Variants in SPATA13 observed in about 807,000 individuals in gnomAD.
SPATA13 encodes the protein spermatogenesis-associated protein 13.
Under a neutral mutation model 104.0 loss-of-function variants are expected in SPATA13, and 50 were observed. That is an observed-to-expected ratio of 0.48 (90% CI 0.38 to 0.61). SPATA13 has a LOEUF of 0.61. SPATA13 is among the 20% of genes least tolerant of loss of function. The pLI is 0.00. For missense variants in SPATA13, 1,524 were observed against 1,690.6 expected (o/e 0.90, Z 1.73); for synonymous variants, 606 against 667.5 (o/e 0.91, Z 1.42).
intron 1 of SPATA13, among the ~76,000 whole-genome samples, chr13:24,178,490 C>T (rs1868582912): frequency 6.6e-6 from 1 of 152,024 alleles, no homozygotes; most frequent in Non-Finnish European, 1.5e-5. Flanking sequence ...GGCCTTTTGG[C>T]TATGATCAAG....
intron 4 of SPATA13, among the ~76,000 whole-genome samples, chr13:24,257,321 C>T (rs2248602): frequency 0.09 from 13,689 of 152,148 alleles, 770 homozygotes; most frequent in African/African-American, 0.16. Context: ...AATGCACACC[C>T]GTGCACCAAA....
intron 1 of SPATA13, among the ~76,000 whole-genome samples, chr13:24,173,514 T>C (rs1181041249): frequency 1.3e-5 from 2 of 148,832 alleles, no homozygotes; most frequent in Non-Finnish European, 1.5e-5. Context: ...CCCCCAACTT[T>C]TTTTTTTTTT....
intron 2 of SPATA13, among the ~76,000 whole-genome samples, chr13:24,246,956 A>T (rs1252860508): frequency 6.6e-6 from 1 of 152,166 alleles, no homozygotes; most frequent in African/African-American, 2.4e-5. Flanking sequence ...AAAACAAGTG[A>T]CTTTTAGGAA....
At position 24,270,992 on chromosome 13, in the gene SPATA13, C is replaced by CCTCT. The variant is rs137979505; in HGVS notation, c.2165-13129_2165-13126dup. On this transcript the variant is annotated intron_variant, in intron 4 of 12. Transcript: ENST00000382108. ...TTCCTTCCCAAGTTGCAGTTCTTCC[C>CCTCT]CTCTCTCTCTCTCTCTCCACTCTCT... 5.0e-3 allele frequency: 4,288 copies of CCTCT among 851,640 alleles called. 108 individuals are homozygous for CCTCT. In the African/African-American group the frequency reaches 0.065, roughly 13 times the overall value. 52.8% of individuals were successfully genotyped at this position (851,640 alleles called of 1,614,324 possible).
At chr13:24,089,921 C>T (rs115832425) in intron 3 of SPATA13, among the ~76,000 whole-genome samples, 1,632 of 152,306 alleles carry the variant, frequency 0.011, 35 homozygotes, top group African/African-American at 0.037. Flanking sequence ...AGGGGCCAAA[C>T]GCTGTGTTTT....
intron 4 of SPATA13, among the ~76,000 whole-genome samples, chr13:24,260,566 A>C (rs1874010214): frequency 6.6e-6 from 1 of 152,246 alleles, no homozygotes; most frequent in African/African-American, 2.4e-5. Context: ...TGTGAATATG[A>C]GACTGAAAGG....
intron 3 of SPATA13, among the ~76,000 whole-genome samples, chr13:24,103,780 T>C (rs570172119): frequency 1.3e-5 from 2 of 152,136 alleles, no homozygotes; most frequent in Admixed American, 1.3e-4. Context: ...AAGGTTTCCC[T>C]GTAGAGAAGC....
Position 24,053,756 on chromosome 13 carries a change from T to C in SPATA13, c.-112+36055T>C, listed in dbSNP as rs576536320. ...ATTTTGGGGCTGCTGTCTCAGCCAC[T>C]GAGACTCAGACAAGAATTTTAAGAC... On this transcript the variant is annotated intron_variant, in intron 3 of 14. Transcript: ENST00000424834. Among the ~76,000 whole-genome samples, 3 of 152,316 alleles carry C rather than the reference T, an allele frequency of 2.0e-5. No homozygotes were observed. The East Asian group carries it at 5.8e-4, about 29-fold the overall frequency.
chr13:24,297,691 C>A lies in SPATA13; in HGVS notation c.3539C>A (p.Ala1180Asp). 1 of 1,614,086 alleles carries A rather than the reference C, an allele frequency of 6.2e-7. No homozygotes were observed. Among genetic ancestry groups the A allele is most frequent in the Non-Finnish European group, 8.5e-7 (1 of 1,179,984 alleles). The change falls in exon 11 of 13, where the codon GCC becomes GAC. Residue 1180 changes from alanine (A) to aspartate (D), a missense_variant. By Grantham distance (126) the Ala-to-Asp change is moderately radical. Around this residue, in one of 2 missense-constraint regions of SPATA13, gnomAD observed 435 missense variants for 554.8 expected, o/e 0.78. Coordinates refer to ENST00000382108, the MANE Select transcript of SPATA13 (RefSeq NM_001166271.3). ...GAAGACAAGGCGAGGTGGCTGCAGG[C>A]CTGTGCAGATGAAAGGAGGCGGGTG... is the stretch of plus-strand genomic sequence containing the variant. ...KQEDKARWLQ[A>D]CADERRRVQE...
At chr13:24,091,539 A>G (rs1879911735) in intron 3 of SPATA13, among the ~76,000 whole-genome samples, 1 of 152,204 alleles carries the variant, frequency 6.6e-6, no homozygotes, top group Non-Finnish European at 1.5e-5. Context: ...GCTGGATGCA[A>G]TGGCTCATGC....
chr13:24,035,314 C>T (rs1877636813), intron 3 of SPATA13, among the ~76,000 whole-genome samples: 3 of 152,082 alleles, frequency 2.0e-5, no homozygotes, highest in Admixed American at 2.0e-4. Flanking sequence ...ACCAACACAC[C>T]CAGCTAATTT....
At position 24,025,813 on chromosome 13, in the gene SPATA13, C is replaced by CTT. The variant is rs61153723; in HGVS notation, c.-112+8125_-112+8126dup. ...TTACCTTTTCTTTCTTTCTTTCTTTCTTTTTTTTTTTTTTGAGACGGAGTC... is the reference window on the plus strand; with the variant it reads ...TTACCTTTTCTTTCTTTCTTTCTTTCTTTTTTTTTTTTTTTTGAGACGGAGTC... On this transcript the variant is annotated intron_variant, in intron 3 of 14. Coordinates refer to the SPATA13 transcript ENST00000424834. Among the ~76,000 whole-genome samples, 1,301 of 146,610 alleles carry CTT rather than the reference C, an allele frequency of 8.9e-3. 27 individuals are homozygous for CTT. The highest frequency in any genetic ancestry group is 0.075 in the East Asian group (371 of 4,924).
intron 1 of SPATA13, among the ~76,000 whole-genome samples, chr13:24,197,225 A>T (rs532955440): frequency 1.4e-4 from 21 of 152,352 alleles, no homozygotes; most frequent in Admixed American, 3.9e-4. Flanking sequence ...ATGTGATGGA[A>T]TAGTCAAGTA....
chr13:24,090,246 G>C (rs1207993859), intron 3 of SPATA13, among the ~76,000 whole-genome samples: 1 of 151,942 alleles, frequency 6.6e-6, no homozygotes, highest in African/African-American at 2.4e-5. Context: ...CACATGTGTT[G>C]ACTTCTCTGC....
intron 2 of SPATA13, among the ~76,000 whole-genome samples, chr13:24,010,286 A>T (rs1876411093): frequency 6.6e-6 from 1 of 152,154 alleles, no homozygotes; most frequent in Non-Finnish European, 1.5e-5. Context: ...AAGCAATCAG[A>T]TATGCATTTG....
At chr13:24,035,714 C>T (rs975002335) in intron 3 of SPATA13, among the ~76,000 whole-genome samples, 1 of 152,124 alleles carries the variant, frequency 6.6e-6, no homozygotes, top group African/African-American at 2.4e-5. Flanking sequence ...CCTTTATGTT[C>T]TCAAAAACTG....
At chr13:24,142,880 G>A (rs1043341498) in intron 3 of SPATA13, among the ~76,000 whole-genome samples, 7 of 152,196 alleles carry the variant, frequency 4.6e-5, no homozygotes, top group Non-Finnish European at 7.3e-5. Context: ...CCCGAGGAAA[G>A]ACTGGGCTGG....
chr13:24,058,506 C>T (rs1270047667), intron 3 of SPATA13, among the ~76,000 whole-genome samples: 8 of 151,746 alleles, frequency 5.3e-5, no homozygotes, highest in African/African-American at 1.9e-4. Context: ...ACATGTGAGA[C>T]TCATCTGTAT....
intron 3 of SPATA13, among the ~76,000 whole-genome samples, chr13:24,101,440 C>T (rs1880254929): frequency 1.3e-5 from 2 of 151,994 alleles, no homozygotes; most frequent in Admixed American, 1.3e-4. Context: ...TCTTGTAACC[C>T]ATTTAATACT....
Sources: allele counts gnomAD v4.1 joint callset (sites outside exome capture counted in the v4.1 genomes callset), GRCh38; gene constraint gnomAD v4.1.1; regional missense constraint gnomAD v4.1.1; transcripts MANE v1.5; gene names NCBI Gene and HGNC (gene_info 2026-07-23, HGNC 2026-07-21).